The following TSPAN15 variants were observed in gnomAD, a reference collection of about 807,000 sequenced individuals.
TSPAN15 encodes the protein tetraspanin 15.
A neutral mutation model predicts 34.5 loss-of-function variants in TSPAN15; 20 were observed. The observed-to-expected ratio is 0.58, with a 90% CI of 0.41 to 0.84. The LOEUF (loss-of-function observed/expected upper bound fraction) is 0.84, where lower values mean the gene tolerates loss of function less well. TSPAN15 is among the 40% of genes least tolerant of loss of function. The pLI, the probability that TSPAN15 is intolerant of heterozygous loss-of-function variation, is 0.00. For missense variants in TSPAN15, 313 were observed against 386.1 expected, an observed-to-expected ratio of 0.81 and a Z score of 1.59; for synonymous variants, 155 against 153.9, an observed-to-expected ratio of 1.01 and a Z score of -0.05.
intron 1 of TSPAN15, among the ~76,000 whole-genome samples, chr10:69,467,992 G>A (rs1200583139): frequency 6.6e-6 from 1 of 152,082 alleles, no homozygotes; most frequent in Non-Finnish European, 1.5e-5. Context: ...ACTTGCCTAC[G>A]TTGTACCTGA....
chr10:69,462,155 GTTTTTTTTTTTTTT>G (rs755068937), intron 1 of TSPAN15, among the ~76,000 whole-genome samples: 4 of 82,704 alleles, frequency 4.8e-5, no homozygotes, highest in Non-Finnish European at 7.3e-5. Context: ...TAATTTTAAA[GTTTTTTTTTTTTTT>G]TTTTTTTTTT....
intron 1 of TSPAN15, among the ~76,000 whole-genome samples, chr10:69,456,077 T>A (rs965274053): frequency 5.3e-5 from 8 of 150,224 alleles, no homozygotes; most frequent in Admixed American, 5.3e-4. Context: ...AATATGTTTA[T>A]TTAAATTTAC....
chr10:69,498,120 C>A (rs951653616), intron 4 of TSPAN15, among the ~76,000 whole-genome samples, 160 bp from the exon 5 acceptor site: 1 of 152,140 alleles, frequency 6.6e-6, no homozygotes, highest in Non-Finnish European at 1.5e-5. Context: ...GGCAGCCATG[C>A]CACACTTTGA....
In TSPAN15 at chr10:69,471,195, C is replaced by G. The variant is rs148876226; in HGVS notation, c.97-12496C>G. Among the ~76,000 whole-genome samples, 275 of 152,352 alleles carry G rather than the reference C, an allele frequency of 1.8e-3. 1 individual carries two copies. The highest frequency in any genetic ancestry group is 6.4e-3 in the African/African-American group (265 of 41,574). ...TTTTGTGGTTTTCTTTCATTGCTCTCGTTGCACACCCAGTTCTTAAAATAG... is the reference window on the plus strand; with the variant it reads ...TTTTGTGGTTTTCTTTCATTGCTCTGGTTGCACACCCAGTTCTTAAAATAG... On this transcript the variant is annotated intron_variant, in intron 1 of 7. Transcript: ENST00000373290.
intron 1 of TSPAN15, among the ~76,000 whole-genome samples, chr10:69,468,325 T>C (rs1008529017): frequency 6.6e-6 from 1 of 152,082 alleles, no homozygotes; most frequent in African/African-American, 2.4e-5. Context: ...TGTGGCCGGG[T>C]CATGGCTCTT....
intron 1 of TSPAN15, among the ~76,000 whole-genome samples, chr10:69,465,089 T>G (rs1301521353): frequency 1.3e-5 from 2 of 152,226 alleles, no homozygotes; most frequent in African/African-American, 4.8e-5. Flanking sequence ...TGGCACTCAC[T>G]GAGTCCTAGC....
At chr10:69,489,420 C>T (rs916470092) in intron 3 of TSPAN15, among the ~76,000 whole-genome samples, 8 of 152,214 alleles carry the variant, frequency 5.3e-5, no homozygotes, top group African/African-American at 1.9e-4. Context: ...ACATCCCCAG[C>T]TTACGAAGAT....
chr10:69,458,310 G>T (rs1394777994), intron 1 of TSPAN15, among the ~76,000 whole-genome samples: 2 of 152,164 alleles, frequency 1.3e-5, no homozygotes, highest in Non-Finnish European at 2.9e-5. Context: ...AATCATACAT[G>T]CGCATAGCTT....
At chr10:69,455,590 C>CTTTCTCTTTCTTTCTTTCTTTCTTTCTT (rs1554830553) in intron 1 of TSPAN15, among the ~76,000 whole-genome samples, 3 of 106,762 alleles carry the variant, frequency 2.8e-5, no homozygotes, top group Admixed American at 2.7e-4. Flanking sequence ...TTCTTTCTTT[C>CTTTCTCTTTCTTTCTTTCTTTCTTTCTT]TCTTTCTTTC....
chr10:69,522,375 CAAAAAAAAAAAAAAA>C, the TSPAN15 span, among the ~76,000 whole-genome samples: 1 of 48,364 alleles, frequency 2.1e-5, no homozygotes, highest in African/African-American at 8.2e-5. Context: ...GACCTTGTCT[CAAAAAAAAAAAAAAA>C]AAAAAAAAAA....
At chr10:69,539,717 C>A in the TSPAN15 span, among the ~76,000 whole-genome samples, 10 of 152,144 alleles carry the variant, frequency 6.6e-5, no homozygotes, top group Admixed American at 2.6e-4. Flanking sequence ...AGCTCAGATT[C>A]CTTCTATTAT....
At chr10:69,510,359 C>T (rs188287199), downstream of TSPAN15, among the ~76,000 whole-genome samples, 1 of 152,316 alleles carries the variant, frequency 6.6e-6, no homozygotes, top group East Asian at 1.9e-4. Flanking sequence ...TGGGAGTTCA[C>T]TCATGAATTG....
the TSPAN15 span, among the ~76,000 whole-genome samples, chr10:69,548,641 A>G: frequency 6.6e-6 from 1 of 152,188 alleles, no homozygotes; most frequent in Admixed American, 6.5e-5. Flanking sequence ...AAGAGAATTC[A>G]GGAGGTTGAG....
At chr10:69,511,121 CTGT>C (rs1254223911), downstream of TSPAN15, among the ~76,000 whole-genome samples, 10 of 152,200 alleles carry the variant, frequency 6.6e-5, no homozygotes, top group East Asian at 1.9e-4. Flanking sequence ...CCCTCTTTTT[CTGT>C]TGTTTGGAAT....
chr10:69,535,075 A>G, the TSPAN15 span, among the ~76,000 whole-genome samples: 3 of 152,198 alleles, frequency 2.0e-5, no homozygotes, highest in Non-Finnish European at 2.9e-5. Flanking sequence ...AAATATTTAC[A>G]TATTTTATTT....
At chr10:69,530,420 T>G in the TSPAN15 span, among the ~76,000 whole-genome samples, 3 of 147,838 alleles carry the variant, frequency 2.0e-5, 1 homozygote, top group Non-Finnish European at 4.5e-5. Context: ...AAACATGACC[T>G]TAATAACAAA....
At chr10:69,528,204 G>C in the TSPAN15 span, among the ~76,000 whole-genome samples, 81,656 of 147,556 alleles carry the variant, frequency 0.55, 25,991 homozygotes, top group African/African-American at 0.65. Flanking sequence ...CAGGTGCCAT[G>C]TTTCTGTGAC....
chr10:69,500,490 C>T (rs1297496043), intron 5 of TSPAN15, among the ~76,000 whole-genome samples: 1 of 152,180 alleles, frequency 6.6e-6, no homozygotes, highest in Non-Finnish European at 1.5e-5. Flanking sequence ...CCAAGATCTG[C>T]AGGGTGAGTC....
chr10:69,486,463 C>G (rs1215359075), intron 3 of TSPAN15, among the ~76,000 whole-genome samples: 1 of 151,676 alleles, frequency 6.6e-6, no homozygotes, highest in African/African-American at 2.4e-5. Context: ...TTTTTTGAGA[C>G]AGGGTCTCAC....
Sources: gnomAD v4.1 joint callset for allele counts (sites outside exome capture counted in the v4.1 genomes callset) on GRCh38, gnomAD v4.1.1 for gene constraint, MANE v1.5 for transcripts, NCBI Gene and HGNC (gene_info 2026-07-23, HGNC 2026-07-21) for gene names.